The following DRC8 variants were observed in gnomAD, a reference collection of about 807,000 sequenced individuals.
DRC8 encodes dynein regulatory complex protein 8.
chr1:245,038,199 G>A, the DRC8 span, among the ~76,000 whole-genome samples: 1 of 152,178 alleles, frequency 6.6e-6, no homozygotes, highest in African/African-American at 2.4e-5. Flanking sequence ...GGCCCAGCGT[G>A]GTGGCTCACA....
the DRC8 span, among the ~76,000 whole-genome samples, chr1:245,039,655 G>A: frequency 6.6e-6 from 1 of 152,066 alleles, no homozygotes; most frequent in African/African-American, 2.4e-5. Flanking sequence ...CGTGCAGAAC[G>A]CTGTCCTGCG....
the DRC8 span, among the ~76,000 whole-genome samples, chr1:245,097,890 AAG>A: frequency 7.2e-5 from 11 of 152,164 alleles, no homozygotes; most frequent in Admixed American, 6.5e-4. The surrounding 1 kb of genome is among the most constrained non-coding windows in gnomAD (Gnocchi z 5.0). Flanking sequence ...GGCCTGAGTG[AAG>A]AGAGAGAAGC....
At chr1:244,991,918 A>T in the DRC8 span, among the ~76,000 whole-genome samples, 1 of 152,166 alleles carries the variant, frequency 6.6e-6, no homozygotes. Context: ...GTCTGGACTG[A>T]TTTATTCAAG....
the DRC8 span, among the ~76,000 whole-genome samples, chr1:245,049,231 C>T: frequency 2.0e-5 from 3 of 152,188 alleles, no homozygotes; most frequent in Non-Finnish European, 4.4e-5. The surrounding 1 kb of genome is among the most constrained non-coding windows in gnomAD (Gnocchi z 4.5). Context: ...GTGATCCACC[C>T]ACCTCGGCCT....
chr1:245,034,336 C>T, the DRC8 span, among the ~76,000 whole-genome samples: 2 of 152,104 alleles, frequency 1.3e-5, no homozygotes, highest in Non-Finnish European at 2.9e-5. Context: ...CGCAGTGGCT[C>T]ATGCCTGTAA....
At chr1:244,970,020 A>G in the DRC8 span, 27 of 565,512 alleles carry the variant, frequency 4.8e-5, no homozygotes, top group Middle Eastern at 2.9e-3. Flanking sequence ...CACGTCGCAC[A>G]AACAGGACAG....
the DRC8 span, chr1:245,002,292 CT>C: frequency 7.1e-7 from 1 of 1,400,462 alleles, no homozygotes; most frequent in South Asian, 1.2e-5. Context: ...ATCTCTCTGC[CT>C]CCAGCCTTGC....
the DRC8 span, among the ~76,000 whole-genome samples, chr1:245,019,660 A>G: frequency 6.6e-6 from 1 of 152,032 alleles, no homozygotes; most frequent in Non-Finnish European, 1.5e-5. Flanking sequence ...GGTGTGAGCC[A>G]CTGCACTCGG....
At chr1:245,114,933 T>C in the DRC8 span, among the ~76,000 whole-genome samples, 1 of 152,020 alleles carries the variant, frequency 6.6e-6, no homozygotes, top group Non-Finnish European at 1.5e-5. Context: ...GCCATGTTGG[T>C]CAGGATGGTC....
At chr1:244,977,092 C>A in the DRC8 span, among the ~76,000 whole-genome samples, 1 of 152,098 alleles carries the variant, frequency 6.6e-6, no homozygotes, top group African/African-American at 2.4e-5. Context: ...AAGTCAAATT[C>A]ATGGAGACAG....
chr1:244,998,875 A>G, the DRC8 span, among the ~76,000 whole-genome samples: 9 of 152,146 alleles, frequency 5.9e-5, no homozygotes, highest in African/African-American at 2.2e-4. Flanking sequence ...AGGATTCAAA[A>G]TCTTGCACAA....
the DRC8 span, among the ~76,000 whole-genome samples, chr1:245,101,729 ATAATT>A: frequency 6.6e-5 from 10 of 152,316 alleles, no homozygotes; most frequent in East Asian, 1.9e-3. Flanking sequence ...GGTACATGTG[ATAATT>A]TAATATATTT....
At chr1:244,975,982 G>C in the DRC8 span, among the ~76,000 whole-genome samples, 1 of 151,940 alleles carries the variant, frequency 6.6e-6, no homozygotes, top group African/African-American at 2.4e-5. Context: ...TAAAACATAA[G>C]AGTTGGCCAG....
chr1:245,009,611 G>C, the DRC8 span, among the ~76,000 whole-genome samples: 1 of 151,792 alleles, frequency 6.6e-6, no homozygotes, highest in South Asian at 2.1e-4. Context: ...GGGACTACAG[G>C]CGCCCGCCAT....
the DRC8 span, chr1:245,017,232 T>C: frequency 6.3e-7 from 1 of 1,587,492 alleles, no homozygotes; most frequent in Non-Finnish European, 8.5e-7. Context: ...ATTTACTTTG[T>C]CTTTTGCAGA....
At chr1:244,974,639 C>G in the DRC8 span, among the ~76,000 whole-genome samples, 1 of 151,998 alleles carries the variant, frequency 6.6e-6, no homozygotes, top group Non-Finnish European at 1.5e-5. Flanking sequence ...AAAGGGTTCC[C>G]TTAAATAACG....
the DRC8 span, among the ~76,000 whole-genome samples, chr1:245,027,960 C>T: frequency 1.3e-5 from 2 of 151,880 alleles, no homozygotes; most frequent in South Asian, 2.1e-4. Context: ...GGTGCCATCA[C>T]GGCTAACTGC....
the DRC8 span, among the ~76,000 whole-genome samples, chr1:244,972,149 A>G: frequency 6.6e-6 from 1 of 152,186 alleles, no homozygotes; most frequent in Non-Finnish European, 1.5e-5. Flanking sequence ...ATTTTTTTCC[A>G]TTTAAAGTAA....
At chr1:245,007,828 G>A in the DRC8 span, among the ~76,000 whole-genome samples, 1 of 152,108 alleles carries the variant, frequency 6.6e-6, no homozygotes, top group South Asian at 2.1e-4. Context: ...TTCAAGATGG[G>A]TAATGACTTT....
Sources: allele counts gnomAD v4.1 joint callset (sites outside exome capture counted in the v4.1 genomes callset), GRCh38; gene constraint gnomAD v4.1.1; non-coding constraint Gnocchi (gnomAD v3.1); transcripts MANE v1.5; gene names NCBI Gene and HGNC (gene_info 2026-07-23, HGNC 2026-07-21).